TLE1: variants seen among roughly 807,000 people sequenced by gnomAD.
TLE1 encodes the protein TLE family member 1, transcriptional corepressor.
Under a neutral mutation model 89.8 loss-of-function variants are expected in TLE1, and 21 were observed. The ratio of observed to expected loss-of-function variants is 0.23; its 90% confidence interval spans 0.17 to 0.34. TLE1 has a LOEUF of 0.34. Among genes scored for constraint, TLE1 ranks in the 10% least tolerant of loss-of-function variants. The pLI is 1.00. For synonymous variants in TLE1, 447 were observed against 407.6 expected (o/e 1.10, Z -1.16); for missense variants, 795 against 1,031.2 (o/e 0.77, Z 3.14).
At chr9:81,652,064 C>A (rs1829611917) in intron 6 of TLE1, 150 bp downstream of exon 6, 3 of 705,220 alleles carry the variant, frequency 4.3e-6, no homozygotes, top group Non-Finnish European at 7.0e-6. Context: ...CAAGTCTCTT[C>A]CTCTCCTCCT....
At chr9:81,639,494 T>C (rs1019117002) in intron 6 of TLE1, among the ~76,000 whole-genome samples, 9 of 152,176 alleles carry the variant, frequency 5.9e-5, no homozygotes, top group Non-Finnish European at 1.3e-4. Flanking sequence ...ATTAGGAAAT[T>C]TGCTTAAAAG....
chr9:81,622,202 C>T (rs919825116), intron 8 of TLE1, among the ~76,000 whole-genome samples: 1 of 152,184 alleles, frequency 6.6e-6, no homozygotes, highest in Admixed American at 6.5e-5. Context: ...ATACACCCCT[C>T]CTAGTTTACT....
At chr9:81,641,959 T>C (rs985492539) in intron 6 of TLE1, among the ~76,000 whole-genome samples, 15 of 152,024 alleles carry the variant, frequency 9.9e-5, no homozygotes, top group African/African-American at 3.4e-4. Context: ...GAGGCAGAGG[T>C]TGCAGTAAGC....
chr9:81,629,637 G>A (rs1008529587), intron 8 of TLE1, among the ~76,000 whole-genome samples: 9 of 152,112 alleles, frequency 5.9e-5, no homozygotes, highest in African/African-American at 1.7e-4. Context: ...TGCAAATATC[G>A]AATAGTGTGT....
chr9:81,621,941 G>A (rs1198214727), intron 8 of TLE1, among the ~76,000 whole-genome samples: 1 of 152,322 alleles, frequency 6.6e-6, no homozygotes, highest in East Asian at 1.9e-4. Context: ...GCAGCTGGGA[G>A]GGACCAACGC....
chr9:81,630,981 C>T (rs1826518229), intron 8 of TLE1, among the ~76,000 whole-genome samples: 1 of 152,104 alleles, frequency 6.6e-6, no homozygotes, highest in Admixed American at 6.5e-5. Context: ...CATCATTGCC[C>T]AACAGTTTTC....
chr9:81,618,583 T>C (rs1824848617), intron 9 of TLE1, among the ~76,000 whole-genome samples: 1 of 152,172 alleles, frequency 6.6e-6, no homozygotes, highest in Non-Finnish European at 1.5e-5. Context: ...CTGAAATAAA[T>C]ATTTTCATGC....
chr9:81,673,999 G>A lies in TLE1; in HGVS notation c.234+11677C>T, dbSNP rs150483131. ...ATGTTAAGACCCTCTTTCCTAAACC[G>A]AAAGCAACCTTTTTATTTTCACTCA... On this transcript the variant is annotated intron_variant, in intron 4 of 19. Coordinates refer to ENST00000376499, the MANE Select transcript of TLE1 (RefSeq NM_005077.5). Among the ~76,000 whole-genome samples, 49 of 152,098 alleles carry A rather than the reference G, an allele frequency of 3.2e-4. 1 individual carries two copies. The East Asian group carries it at 8.3e-3, about 26-fold the overall frequency.
At position 81,689,133 on chromosome 9, in the gene TLE1, C is replaced by T. The variant is rs947132698; in HGVS notation, c.-893G>A. On this transcript the variant is annotated 5_prime_UTR_variant, in exon 1 of 20. Coordinates refer to ENST00000376499, the MANE Select transcript of TLE1 (RefSeq NM_005077.5). ...CCGCTCCGGACCCTTCTTCCGAGCT[C>T]CTTCTTCCTCGGTCTTCTTTCTTTC... 2.0e-5 allele frequency: 3 copies of T among 152,424 alleles called. No individual in the cohort carries two copies. Among genetic ancestry groups the T allele is most frequent in the African/African-American group, 2.4e-5 (1 of 41,468 alleles). The allele number at this position is 152,424 out of a possible 1,614,324, so 9.4% of individuals were successfully genotyped here.
chr9:81,660,970 C>CAA (rs1384890210), intron 4 of TLE1, among the ~76,000 whole-genome samples: 1 of 111,062 alleles, frequency 9.0e-6, no homozygotes. Flanking sequence ...CACACACACA[C>CAA]ACACACACAT....
Position 81,643,200 on chromosome 9 carries a change from T to A in TLE1, c.373-8899A>T, listed in dbSNP as rs1283287016. Among the ~76,000 whole-genome samples, 4 of 152,108 alleles carry A rather than the reference T, an allele frequency of 2.6e-5. No individual in the cohort carries two copies. In the East Asian group the frequency reaches 7.8e-4, roughly 30 times the overall value. On this transcript the variant is annotated intron_variant, in intron 6 of 19. Coordinates refer to ENST00000376499, the MANE Select transcript of TLE1 (RefSeq NM_005077.5). ...AATAACGGTATTGTATACTTGAAAT[T>A]TGCTAAAATGGTACTTTGTGGTGTG...
chr9:81,589,729 A>G (rs1479406540), intron 16 of TLE1, among the ~76,000 whole-genome samples: 4 of 152,200 alleles, frequency 2.6e-5, no homozygotes, highest in Non-Finnish European at 4.4e-5. Flanking sequence ...CTTAGAATTG[A>G]TATTTTGAAA....
Position 81,663,624 on chromosome 9 carries a change from T to C in TLE1, c.235-9588A>G, listed in dbSNP as rs78458688. On this transcript the variant is annotated intron_variant, in intron 4 of 19. Transcript: ENST00000376499. Reference sequence around the variant, plus strand: ...CAGAGGTATCCGCACAGAATAGACTTTTTTTTTTTTTTTTTTGAGATGGAG... The same window carrying C: ...CAGAGGTATCCGCACAGAATAGACTCTTTTTTTTTTTTTTTTGAGATGGAG... Among the ~76,000 whole-genome samples, 85 of 142,176 alleles carry C rather than the reference T, an allele frequency of 6.0e-4. 1 individual carries two copies. Among genetic ancestry groups the C allele is most frequent in the Non-Finnish European group, 1.0e-3 (67 of 65,784 alleles). The allele number at this position is 142,176 out of a possible 152,430, so 93.3% of individuals were successfully genotyped here.
chr9:81,687,226 G>A (rs565891271), intron 2 of TLE1, 108 bp downstream of exon 2: 5 of 868,946 alleles, frequency 5.8e-6, no homozygotes, highest in African/African-American at 1.7e-5. Context: ...GACTCCACAC[G>A]CCACCGCCTG....
chr9:81,654,150 T>C, intron 4 of TLE1, 114 bp from the exon 5 acceptor site: 1 of 929,168 alleles, frequency 1.1e-6, no homozygotes. Flanking sequence ...GAAATGTGTA[T>C]AAAATGGTTT....
Position 81,620,441 on chromosome 9 carries a change from A to G in TLE1, c.711T>C (p.Tyr237=), listed in dbSNP as rs756261035. 1.8e-5 allele frequency: 29 copies of G among 1,609,278 alleles called. No individual in the cohort carries two copies. The highest frequency in any genetic ancestry group is 3.4e-5 in the Admixed American group (2 of 59,390). Residue 237 remains tyrosine (Y), a splice_region_variant and synonymous_variant, in exon 9 of 20, where the codon TAT becomes TAC. Coordinates refer to ENST00000376499, the MANE Select transcript of TLE1 (RefSeq NM_005077.5). ...RKVDDKDSSH[Y]DSDGDKSDDN... Reference sequence around the variant, plus strand: ...TATTTCAAGTCCTTTAATTACTTACATAGTGGCTGGAGTCCTTATCATCCA... The same window carrying G: ...TATTTCAAGTCCTTTAATTACTTACGTAGTGGCTGGAGTCCTTATCATCCA...
At chr9:81,640,732 T>C (rs949148248) in intron 6 of TLE1, among the ~76,000 whole-genome samples, 2 of 152,210 alleles carry the variant, frequency 1.3e-5, no homozygotes, top group African/African-American at 4.8e-5. Flanking sequence ...TGAAACTGAC[T>C]TTGCTGTTTA....
chr9:81,627,748 T>C (rs1826077900), intron 8 of TLE1, among the ~76,000 whole-genome samples: 2 of 152,300 alleles, frequency 1.3e-5, no homozygotes, highest in Non-Finnish European at 2.9e-5. Flanking sequence ...GCAAAAACAG[T>C]ACCTCCTAGG....
At chr9:81,666,595 C>G (rs555014952) in intron 4 of TLE1, among the ~76,000 whole-genome samples, 1 of 151,148 alleles carries the variant, frequency 6.6e-6, no homozygotes, top group African/African-American at 2.4e-5. Context: ...ACTAACATGA[C>G]GAAACGCAGT....
Sources: gnomAD v4.1 joint callset for allele counts (sites outside exome capture counted in the v4.1 genomes callset) on GRCh38, gnomAD v4.1.1 for gene constraint, MANE v1.5 for transcripts, NCBI Gene and HGNC (gene_info 2026-07-23, HGNC 2026-07-21) for gene names.